PADI2: variants seen among roughly 807,000 people sequenced by gnomAD.
PADI2 encodes protein-arginine deiminase type-2.
Under a neutral mutation model 81.1 loss-of-function variants are expected in PADI2, and 70 were observed. The ratio of observed to expected loss-of-function variants is 0.86; its 90% CI spans 0.71 to 1.05. The LOEUF is 1.05. PADI2 is among the 50% of genes least tolerant of loss of function. The pLI is 0.00. For missense variants in PADI2, 853 were observed against 889.9 expected (o/e 0.96, Z 0.53); for synonymous variants, 338 against 358.0 (o/e 0.94, Z 0.63).
chr1:17,109,257 G>A (rs980408358), intron 1 of PADI2, among the ~76,000 whole-genome samples: 5 of 151,546 alleles, frequency 3.3e-5, no homozygotes, highest in South Asian at 4.2e-4. Flanking sequence ...GCGTAGTGGC[G>A]TGTGCCTGTA....
At chr1:17,096,954 C>T (rs1490739552) in intron 3 of PADI2, among the ~76,000 whole-genome samples, 1 of 152,206 alleles carries the variant, frequency 6.6e-6, no homozygotes, top group Admixed American at 6.5e-5. Context: ...TTCTACCTAC[C>T]AGATGCCAGT....
At position 17,115,898 on chromosome 1, in the gene PADI2, T is replaced by C. The variant is rs1265913446; in HGVS notation, c.92+3382A>G. On this transcript the variant is annotated intron_variant, in intron 1 of 15. Transcript: ENST00000375486. The surrounding 1 kb of genome is among the most constrained non-coding windows in gnomAD (Gnocchi z 4.1). Reference sequence around the variant, plus strand: ...TTCTTTCTATGTATCTATTCATTGCTTGCTGGAGACTAGCAGTCAGAATGA... The same window carrying C: ...TTCTTTCTATGTATCTATTCATTGCCTGCTGGAGACTAGCAGTCAGAATGA... Among the ~76,000 whole-genome samples the C allele has an allele frequency of 2.0e-5, 3 of 152,258 alleles. No homozygotes were observed. Among genetic ancestry groups the C allele is most frequent in the Admixed American group, 6.5e-5 (1 of 15,292 alleles).
rs1392071148 is a variant in PADI2, at chr1:17,074,748, A to C, written c.1549+108T>G. 9.4e-6 allele frequency: 6 copies of C among 636,252 alleles called. No individual in the cohort carries two copies. In the East Asian group the frequency reaches 1.7e-4, roughly 18 times the overall value. 39.4% of individuals were successfully genotyped at this position (636,252 alleles called of 1,614,324 possible). Reference sequence around the variant, plus strand: ...CCCGATCGGGCCAGACACCCAGGGAAGTGGAGCTGGGTGCTCAGGGACAAA... The same window carrying C: ...CCCGATCGGGCCAGACACCCAGGGACGTGGAGCTGGGTGCTCAGGGACAAA... On this transcript the variant is annotated intron_variant, in intron 13 of 15. Transcript: ENST00000375486.
chr1:17,073,207 G>T (rs1420715179), intron 13 of PADI2, among the ~76,000 whole-genome samples: 1 of 152,076 alleles, frequency 6.6e-6, no homozygotes, highest in Non-Finnish European at 1.5e-5. Context: ...CATGAGGTCA[G>T]GAGATTGAGA....
chr1:17,077,800 G>T (rs1203723084), intron 11 of PADI2, among the ~76,000 whole-genome samples: 1 of 152,226 alleles, frequency 6.6e-6, no homozygotes, highest in East Asian at 1.9e-4. Context: ...GACCCCATCT[G>T]TGCAGGCTCC....
At chr1:17,092,049 G>A (rs1930716558) in intron 6 of PADI2, among the ~76,000 whole-genome samples, 1 of 152,056 alleles carries the variant, frequency 6.6e-6, no homozygotes, top group Non-Finnish European at 1.5e-5. Flanking sequence ...GGGGGTCTTT[G>A]AAAGTCAGAG....
At chr1:17,108,580 C>G (rs114098602) in intron 1 of PADI2, among the ~76,000 whole-genome samples, 1 of 151,944 alleles carries the variant, frequency 6.6e-6, no homozygotes, top group African/African-American at 2.4e-5. Context: ...CTTGGCCCAT[C>G]ATACACCCAA....
At chr1:17,116,353 C>T (rs1016826246) in intron 1 of PADI2, among the ~76,000 whole-genome samples, 1 of 152,126 alleles carries the variant, frequency 6.6e-6, no homozygotes, top group Non-Finnish European at 1.5e-5. Flanking sequence ...CTCACCTTTG[C>T]GACTCAGAAG....
chr1:17,083,556 C>T (rs1010455160), intron 9 of PADI2, 170 bp downstream of exon 9: 19 of 595,772 alleles, frequency 3.2e-5, no homozygotes, highest in Non-Finnish European at 5.1e-5. Context: ...CAAGAAGCAG[C>T]ACTGTAGTGC....
At position 17,068,857 on chromosome 1, in the gene PADI2, G is replaced by A; in HGVS notation, c.*187C>T. The A allele has an allele frequency of 1.7e-6, 1 of 605,674 alleles. No individual in the cohort carries two copies. The highest frequency in any genetic ancestry group is 2.9e-6 in the Non-Finnish European group (1 of 339,370). 37.5% of individuals were successfully genotyped at this position (605,674 alleles called of 1,614,324 possible). A position where few individuals can be genotyped will look rare whatever the true frequency, so the allele number is the denominator to read the frequency against. On this transcript the variant is annotated 3_prime_UTR_variant, in exon 16 of 16. Coordinates refer to ENST00000375486, the MANE Select transcript of PADI2 (RefSeq NM_007365.3). ...GCAGGGACAGAGTCGAGGCTCACTG[G>A]GGATGGCTTCAGAGGACACTGAGGC...
intron 3 of PADI2, among the ~76,000 whole-genome samples, chr1:17,098,243 C>T (rs1931016591): frequency 6.6e-6 from 1 of 152,188 alleles, no homozygotes; most frequent in African/African-American, 2.4e-5. Context: ...ACAAGACTTG[C>T]TCCCTTGAAG....
Position 17,093,685 on chromosome 1 carries a change from C to T in PADI2, c.412-1G>A, listed in dbSNP as rs1423822477. 2.5e-6 allele frequency: 4 copies of T among 1,586,834 alleles called. No homozygotes were observed. In the African/African-American group the frequency reaches 4.0e-5, roughly 16 times the overall value. ...CCTCGGGGCCCCAGGTCCAGGATGC[C>T]TACAGTGGCAGGAAGAAAGGTCAGT... is the stretch of plus-strand genomic sequence containing the variant. On this transcript the variant is annotated splice_acceptor_variant, in intron 4 of 15. Coordinates refer to ENST00000375486, the MANE Select transcript of PADI2 (RefSeq NM_007365.3). LOFTEE classifies it high-confidence loss of function.
chr1:17,103,814 T>TA (rs11378857), intron 2 of PADI2, among the ~76,000 whole-genome samples: 102,117 of 130,784 alleles, frequency 0.78, 40,415 homozygotes, highest in East Asian at 0.85. Context: ...GACCTGTCTC[T>TA]AAAAAAAAAA....
intron 11 of PADI2, among the ~76,000 whole-genome samples, chr1:17,076,799 G>C (rs919270761): frequency 6.6e-6 from 1 of 151,926 alleles, no homozygotes; most frequent in Non-Finnish European, 1.5e-5. Context: ...GGATGGTCTC[G>C]ATCTCTTGAC....
chr1:17,102,943 C>G (rs1931199971), intron 3 of PADI2, 44 bp downstream of exon 3: 1 of 1,438,508 alleles, frequency 7.0e-7, no homozygotes, highest in African/African-American at 1.4e-5. Context: ...CAGTGCCAGG[C>G]CCTGGGTGAT....
chr1:17,113,140 A>G (rs1389963858), intron 1 of PADI2, among the ~76,000 whole-genome samples: 1 of 152,062 alleles, frequency 6.6e-6, no homozygotes, highest in Non-Finnish European at 1.5e-5. Context: ...TCAGTTCTAG[A>G]TTTCTTTCCC....
At chr1:17,100,914 C>T (rs1015598953) in intron 3 of PADI2, among the ~76,000 whole-genome samples, 18 of 152,122 alleles carry the variant, frequency 1.2e-4, no homozygotes, top group Non-Finnish European at 2.1e-4. Context: ...CCCACCTTGG[C>T]CTCCCAAAGT....
intron 15 of PADI2, among the ~76,000 whole-genome samples, chr1:17,069,700 CAT>C (rs966256424): frequency 3.9e-5 from 6 of 152,064 alleles, no homozygotes; most frequent in Admixed American, 6.5e-5. Flanking sequence ...CATGCATGCA[CAT>C]GTGTTTATGT....
chr1:17,118,948 C>A (rs573625595), intron 1 of PADI2, among the ~76,000 whole-genome samples: 2 of 151,928 alleles, frequency 1.3e-5, no homozygotes, highest in South Asian at 4.2e-4. Flanking sequence ...GGGGAGAGGA[C>A]GGCAGGGAAG....
Sources: gnomAD v4.1 joint callset for allele counts (sites outside exome capture counted in the v4.1 genomes callset) on GRCh38, gnomAD v4.1.1 for gene constraint, Gnocchi (gnomAD v3.1) non-coding constraint, MANE v1.5 for transcripts, NCBI Gene and HGNC (gene_info 2026-07-23, HGNC 2026-07-21) for gene names.